Variants in PTK2 observed in about 807,000 individuals in gnomAD.
PTK2 encodes focal adhesion kinase 1.
Under a neutral mutation model 150.1 loss-of-function variants are expected in PTK2, and 45 were observed. The observed-to-expected ratio is 0.30, with a 90% confidence interval of 0.24 to 0.38. The LOEUF is 0.38. PTK2 is among the 10% of genes least tolerant of loss of function. PTK2 has a pLI of 1.00. For missense variants in PTK2, 919 were observed against 1,307.3 expected (o/e 0.70, Z 4.58); for synonymous variants, 432 against 449.2 (o/e 0.96, Z 0.48).
chr8:140,799,903 T>C (rs1388837451), intron 12 of PTK2, among the ~76,000 whole-genome samples: 1 of 152,186 alleles, frequency 6.6e-6, no homozygotes, highest in Non-Finnish European at 1.5e-5. Flanking sequence ...TTTGATTCTT[T>C]CAGAAATCCA....
At chr8:140,727,216 G>A (rs923105698) in intron 22 of PTK2, among the ~76,000 whole-genome samples, 1 of 152,208 alleles carries the variant, frequency 6.6e-6, no homozygotes, top group Non-Finnish European at 1.5e-5. Flanking sequence ...TGATAGGGAC[G>A]TGTGGGTGAG....
intron 27 of PTK2, among the ~76,000 whole-genome samples, chr8:140,678,489 G>A (rs533801635): frequency 5.3e-4 from 81 of 152,258 alleles, no homozygotes; most frequent in African/African-American, 1.9e-3. Context: ...TGGGAGCTGG[G>A]ACCACAGGTG....
chr8:140,701,057 C>A (rs778800925), intron 25 of PTK2, 35 bp from the exon 29 acceptor site: 4 of 1,603,122 alleles, frequency 2.5e-6, no homozygotes, highest in Non-Finnish European at 2.6e-6. Context: ...TATTCAGTCT[C>A]ATAAGTCTAT....
intron 14 of PTK2, among the ~76,000 whole-genome samples, chr8:140,773,323 T>C (rs1031395772): frequency 1.3e-5 from 2 of 152,108 alleles, no homozygotes; most frequent in South Asian, 2.1e-4. Flanking sequence ...GTGAACAAAA[T>C]AGAAACCCAA....
In PTK2 at chr8:140,771,924, C is replaced by T. The variant is rs547944976; in HGVS notation, c.1178-7634G>A. On this transcript the variant is annotated intron_variant, in intron 14 of 31. Coordinates refer to ENST00000522684, the Ensembl canonical transcript of PTK2. Reference sequence around the variant, plus strand: ...CCTCCCGCGTAGCTGGGATTACAGGCGCCTGCTACCAAGCCCAGCTAATTT... The same window carrying T: ...CCTCCCGCGTAGCTGGGATTACAGGTGCCTGCTACCAAGCCCAGCTAATTT... Among the ~76,000 whole-genome samples, 12 of 151,192 alleles carry T rather than the reference C, an allele frequency of 7.9e-5. No homozygotes were observed. In the East Asian group the frequency reaches 1.6e-3, roughly 20 times the overall value.
chr8:140,711,242 G>A (rs971350534), intron 23 of PTK2, among the ~76,000 whole-genome samples: 1 of 152,208 alleles, frequency 6.6e-6, no homozygotes, highest in African/African-American at 2.4e-5. Context: ...AAATAGCTGG[G>A]ATTATAGGTG....
intron 8 of PTK2, among the ~76,000 whole-genome samples, chr8:140,826,790 T>C (rs1399542318): frequency 6.6e-6 from 1 of 152,040 alleles, no homozygotes; most frequent in Non-Finnish European, 1.5e-5. Flanking sequence ...TGGTGGTCCA[T>C]GCCTGTAATC....
intron 31 of PTK2, among the ~76,000 whole-genome samples, chr8:140,659,904 A>G (rs1176414945): frequency 6.6e-6 from 1 of 152,200 alleles, no homozygotes; most frequent in African/African-American, 2.4e-5. Flanking sequence ...CAGTGCCTCC[A>G]TGAGAAGAAA....
intron 22 of PTK2, chr8:140,718,825 C>G (rs1315405610): frequency 6.6e-6 from 1 of 152,214 alleles, no homozygotes; most frequent in East Asian, 1.9e-4. Context: ...CAAACCATCA[C>G]TACAGATGTT....
chr8:140,998,373 G>A (rs961381829), intron 1 of PTK2, among the ~76,000 whole-genome samples: 1 of 152,136 alleles, frequency 6.6e-6, no homozygotes, highest in Non-Finnish European at 1.5e-5. Flanking sequence ...ATAACCTTTA[G>A]AGATATGAAC....
chr8:140,659,290 C>T, exon 32 of PTK2: 1 of 534,654 alleles, frequency 1.9e-6, no homozygotes, highest in Non-Finnish European at 3.2e-6. Context: ...AAAAATGAAC[C>T]CAAATCAAAG....
At chr8:140,959,849 T>C (rs1158110724) in intron 1 of PTK2, among the ~76,000 whole-genome samples, 1 of 150,310 alleles carries the variant, frequency 6.7e-6, no homozygotes, top group African/African-American at 2.4e-5. Flanking sequence ...CCACCCTCCT[T>C]TTCCAACAAA....
chr8:140,886,463 T>C (rs1387809744), intron 3 of PTK2, among the ~76,000 whole-genome samples: 3 of 152,080 alleles, frequency 2.0e-5, no homozygotes, highest in Admixed American at 1.3e-4. Context: ...AGGTGGAGAA[T>C]AGGCAGAAGG....
chr8:140,911,629 T>C (rs954538607), intron 2 of PTK2, among the ~76,000 whole-genome samples: 3 of 152,210 alleles, frequency 2.0e-5, no homozygotes, highest in African/African-American at 7.2e-5. Context: ...TCCATCCTTA[T>C]GACTACCACC....
At chr8:140,716,730 T>C (rs1328330549) in intron 23 of PTK2, among the ~76,000 whole-genome samples, 3 of 152,256 alleles carry the variant, frequency 2.0e-5, no homozygotes, top group African/African-American at 7.2e-5. Flanking sequence ...ATTGTCAAAG[T>C]TTCTTAATAT....
At chr8:140,726,085 T>C (rs567218231) in intron 22 of PTK2, among the ~76,000 whole-genome samples, 1 of 151,944 alleles carries the variant, frequency 6.6e-6, no homozygotes, top group South Asian at 2.1e-4. Flanking sequence ...ATACAGTATA[T>C]GAAATAAAAT....
chr8:140,928,988 C>T (rs1333887728), intron 1 of PTK2, among the ~76,000 whole-genome samples: 9 of 71,334 alleles, frequency 1.3e-4, no homozygotes, highest in East Asian at 6.2e-4. Context: ...TTTTTTGAGA[C>T]GGAGTCTCGC....
At chr8:140,899,664 C>G (rs1332603439) in intron 2 of PTK2, among the ~76,000 whole-genome samples, 2 of 152,028 alleles carry the variant, frequency 1.3e-5, no homozygotes, top group Non-Finnish European at 2.9e-5. Context: ...AAACTACAGG[C>G]CAATATCACT....
intron 24 of PTK2, among the ~76,000 whole-genome samples, chr8:140,705,078 T>TA: frequency 6.6e-6 from 1 of 152,172 alleles, no homozygotes; most frequent in South Asian, 2.1e-4. Flanking sequence ...AACAATAAGC[T>TA]ATTCTTGGGC....
Sources: allele counts gnomAD v4.1 joint callset (sites outside exome capture counted in the v4.1 genomes callset), GRCh38; gene constraint gnomAD v4.1.1; transcripts MANE v1.5; gene names NCBI Gene and HGNC (gene_info 2026-07-23, HGNC 2026-07-21).